The following PSMD11 variants were observed in gnomAD, a reference collection of about 807,000 sequenced individuals.
PSMD11 encodes the protein proteasome 26S subunit, non-ATPase 11.
PSMD11 carries 5 observed loss-of-function variants against 62.3 expected under a neutral mutation model. The observed-to-expected ratio is 0.08, with a 90% CI of 0.04 to 0.17. The LOEUF (loss-of-function observed/expected upper bound fraction) is 0.17, where lower values mean the gene tolerates loss of function less well. Ranked by LOEUF, PSMD11 falls within the 10% of genes least tolerant of loss-of-function variation. The pLI, the probability that PSMD11 is intolerant of heterozygous loss-of-function variation, is 1.00. For synonymous variants in PSMD11, 191 were observed against 191.8 expected (o/e 1.00, Z 0.03); for missense variants, 310 against 512.9 (o/e 0.60, Z 3.82).
At chr17:32,451,064 T>C (rs1007700674) in intron 2 of PSMD11, among the ~76,000 whole-genome samples, 1 of 149,484 alleles carries the variant, frequency 6.7e-6, no homozygotes, top group Non-Finnish European at 1.5e-5. Context: ...AAGGCTGCAG[T>C]GAGCCACAAT....
At chr17:32,459,345 A>G (rs965812933) in intron 3 of PSMD11, among the ~76,000 whole-genome samples, 4 of 151,568 alleles carry the variant, frequency 2.6e-5, no homozygotes, top group Non-Finnish European at 4.4e-5. Context: ...CAGCCTCCCA[A>G]ATAACTGGGA....
At chr17:32,455,103 C>A (rs1907613189) in intron 3 of PSMD11, among the ~76,000 whole-genome samples, 1 of 152,180 alleles carries the variant, frequency 6.6e-6, no homozygotes, top group African/African-American at 2.4e-5. Flanking sequence ...TCAGACTAGA[C>A]CCTGAGCTGT....
At chr17:32,452,939 A>T (rs1315434108) in intron 2 of PSMD11, among the ~76,000 whole-genome samples, 1 of 152,232 alleles carries the variant, frequency 6.6e-6, no homozygotes, top group Admixed American at 6.5e-5. Context: ...CAAAGATGTT[A>T]AGCTTGGATA....
At chr17:32,456,448 C>A (rs897590965) in intron 3 of PSMD11, among the ~76,000 whole-genome samples, 2 of 152,270 alleles carry the variant, frequency 1.3e-5, no homozygotes, top group African/African-American at 4.8e-5. Flanking sequence ...TCGTGGCTCA[C>A]TGCAACCCCC....
intron 3 of PSMD11, among the ~76,000 whole-genome samples, chr17:32,458,138 AT>A (rs998089183): frequency 6.6e-6 from 1 of 151,128 alleles, no homozygotes; most frequent in African/African-American, 2.4e-5. Context: ...TTGGTTCTTA[AT>A]TTTTTTTTAC....
Position 32,481,803 on chromosome 17 carries a change from T to G in PSMD11, c.*1051T>G, listed in dbSNP as rs532227286. ...AAATGAGACTGTGGGGTGTGGTTTC[T>G]CTCTCTCTTTTTTTTTTAATTTTCT... is the stretch of plus-strand genomic sequence containing the variant. On this transcript the variant is annotated 3_prime_UTR_variant, in exon 14 of 14. Coordinates refer to ENST00000261712, the MANE Select transcript of PSMD11 (RefSeq NM_002815.4). 4 of 151,964 alleles carry G rather than the reference T, an allele frequency of 2.6e-5. No individual in the cohort carries two copies. Among genetic ancestry groups the G allele is most frequent in the African/African-American group, 4.8e-5 (2 of 41,464 alleles). The allele number at this position is 151,964 out of a possible 1,614,324, so 9.4% of individuals were successfully genotyped here. A position where few individuals can be genotyped will look rare whatever the true frequency, so the allele number is the denominator to read the frequency against.
intron 2 of PSMD11, among the ~76,000 whole-genome samples, chr17:32,447,509 C>T (rs963728316): frequency 1.2e-4 from 19 of 152,290 alleles, no homozygotes; most frequent in African/African-American, 4.6e-4. Context: ...CCCAAGACTT[C>T]TGCATTCATA....
intron 8 of PSMD11, 111 bp downstream of exon 8, chr17:32,474,935 T>A: frequency 1.0e-6 from 1 of 954,830 alleles, no homozygotes; most frequent in Non-Finnish European, 1.7e-6. Context: ...CTCTCTTCCT[T>A]CTGCCCCACT....
At chr17:32,446,808 T>G (rs1907344785) in intron 1 of PSMD11, 137 bp from the exon 2 acceptor site, 4 of 471,856 alleles carry the variant, frequency 8.5e-6, no homozygotes, top group Non-Finnish European at 1.5e-5. Flanking sequence ...CTTAGAGTTT[T>G]TTTTTTTTTT....
In PSMD11 at chr17:32,473,827, G is replaced by A; in HGVS notation, c.670G>A (p.Asp224Asn). The A allele has an allele frequency of 1.2e-6, 2 of 1,613,866 alleles. No individual in the cohort carries two copies. Among genetic ancestry groups the A allele is most frequent in the Non-Finnish European group, 1.7e-6 (2 of 1,179,778 alleles). Residue 224 changes from aspartate (D) to asparagine (N), a missense_variant, in exon 7 of 14, where the codon GAC becomes AAC. Asp to Asn is a conservative substitution (Grantham distance 23, BLOSUM62 1). This residue lies in a region of PSMD11 where 47 missense variants were observed against 117.7 expected (regional missense o/e 0.40). Transcript: ENST00000261712. ...SGIIHAAEEK[D>N]WKTAYSYFYE... ...TATTATCCATGCAGCAGAAGAGAAG[G>A]ACTGGAAAACTGCGTACTCATACTT...
chr17:32,454,425 A>C, intron 2 of PSMD11, 70 bp from the exon 3 acceptor site: 1 of 1,526,906 alleles, frequency 6.5e-7, no homozygotes, highest in Non-Finnish European at 9.0e-7. Context: ...ACGTTGGGTC[A>C]GTTTCTTAAG....
chr17:32,465,038 A>G lies in PSMD11; in HGVS notation c.448+460A>G, dbSNP rs73274211. On this transcript the variant is annotated intron_variant, in intron 5 of 13. Transcript: ENST00000261712. The stretch of plus-strand genomic sequence containing the variant: ...ATTTGGAAGCTGGAGTGGCTAACTG[A>G]AGCCTTTTTCCTGTGTGGCCTTTAA... 4.4e-3 allele frequency among the ~76,000 whole-genome samples: 672 copies of G among 151,928 alleles called. 5 individuals carry two copies. Among genetic ancestry groups the G allele is most frequent in the African/African-American group, 0.015 (604 of 41,466 alleles).
intron 3 of PSMD11, among the ~76,000 whole-genome samples, chr17:32,460,268 C>T (rs1907786262): frequency 6.6e-6 from 1 of 151,726 alleles, no homozygotes; most frequent in African/African-American, 2.4e-5. Context: ...GCTATGTTGC[C>T]CAGGCTGGTC....
At chr17:32,474,940 C>G in intron 8 of PSMD11, 116 bp downstream of exon 8, 1 of 938,348 alleles carries the variant, frequency 1.1e-6, no homozygotes, top group Non-Finnish European at 1.7e-6. Context: ...TTCCTTCTGC[C>G]CCACTCACTT....
At chr17:32,470,739 CT>C (rs1908141166) in intron 6 of PSMD11, among the ~76,000 whole-genome samples, 1 of 152,132 alleles carries the variant, frequency 6.6e-6, no homozygotes, top group African/African-American at 2.4e-5. Context: ...ATTTTTGGGT[CT>C]GGCTTATTCT....
chr17:32,470,658 C>T (rs1908139368), intron 6 of PSMD11, among the ~76,000 whole-genome samples: 2 of 152,328 alleles, frequency 1.3e-5, no homozygotes, highest in South Asian at 2.1e-4. Flanking sequence ...CCCCTGTTAA[C>T]TAATGTGTTT....
At chr17:32,459,550 G>A (rs1245547387) in intron 3 of PSMD11, among the ~76,000 whole-genome samples, 1 of 151,914 alleles carries the variant, frequency 6.6e-6, no homozygotes, top group African/African-American at 2.4e-5. Flanking sequence ...GAAATACTTT[G>A]TTGAATTAAG....
chr17:32,451,444 T>G (rs1246212051), intron 2 of PSMD11, among the ~76,000 whole-genome samples: 1 of 152,202 alleles, frequency 6.6e-6, no homozygotes, highest in Non-Finnish European at 1.5e-5. Flanking sequence ...AAAAATAGTT[T>G]TAGCAGATAT....
At chr17:32,444,849 G>A in intron 1 of PSMD11, 3 of 572,534 alleles carry the variant, frequency 5.2e-6, no homozygotes, top group Non-Finnish European at 9.1e-6. Flanking sequence ...ACTCACGGGG[G>A]GCTCAGCGTA....
Sources: gnomAD v4.1 joint callset for allele counts (sites outside exome capture counted in the v4.1 genomes callset) on GRCh38, gnomAD v4.1.1 for gene constraint, gnomAD v4.1.1 regional missense constraint, MANE v1.5 for transcripts, NCBI Gene and HGNC (gene_info 2026-07-23, HGNC 2026-07-21) for gene names.